BRINP1: variants seen among roughly 807,000 people sequenced by gnomAD.
BRINP1 encodes the protein BMP/retinoic acid-inducible neural-specific protein 1.
BRINP1 carries 17 observed loss-of-function variants against 72.9 expected under a neutral mutation model. That is an observed-to-expected ratio of 0.23 (90% CI 0.16 to 0.35). BRINP1 has a LOEUF of 0.35. Ranked by LOEUF, BRINP1 falls within the 10% of genes least tolerant of loss-of-function variation. The probability of loss-of-function intolerance (pLI) is 1.00; values close to 1 mark genes in which losing one functional copy is unlikely to be tolerated. For missense variants in BRINP1, 850 were observed against 1,001.6 expected (o/e 0.85, Z 2.04); for synonymous variants, 418 against 378.5 (o/e 1.10, Z -1.21).
intron 7 of BRINP1, among the ~76,000 whole-genome samples, chr9:119,179,340 G>A (rs1564210632): frequency 6.6e-6 from 1 of 152,194 alleles, no homozygotes; most frequent in Non-Finnish European, 1.5e-5. Context: ...CTGATAGGGG[G>A]CTGAGAGGAG....
intron 7 of BRINP1, among the ~76,000 whole-genome samples, 164 bp downstream of exon 7, chr9:119,208,555 G>A (rs888233410): frequency 2.6e-5 from 4 of 152,200 alleles, no homozygotes; most frequent in Non-Finnish European, 5.9e-5. Context: ...GAGCCAGTAG[G>A]TGAGGACCCA....
intron 2 of BRINP1, 117 bp downstream of exon 2, chr9:119,313,021 G>A: frequency 2.6e-6 from 3 of 1,159,708 alleles, no homozygotes; most frequent in East Asian, 5.2e-5. Context: ...CTTGTGGAAG[G>A]AGCACAGACC....
At chr9:119,224,220 A>G (rs1830069329) in intron 5 of BRINP1, among the ~76,000 whole-genome samples, 1 of 152,086 alleles carries the variant, frequency 6.6e-6, no homozygotes, top group African/African-American at 2.4e-5. Context: ...AAATATATGC[A>G]TACATATGCA....
At chr9:119,207,444 C>T (rs1454923415) in intron 7 of BRINP1, among the ~76,000 whole-genome samples, 1 of 152,158 alleles carries the variant, frequency 6.6e-6, no homozygotes, top group Non-Finnish European at 1.5e-5. Context: ...TTGCATCAAC[C>T]TAAAATAGCT....
intron 7 of BRINP1, among the ~76,000 whole-genome samples, chr9:119,189,860 C>G (rs1829664536): frequency 1.3e-5 from 2 of 152,010 alleles, no homozygotes; most frequent in South Asian, 4.1e-4. Flanking sequence ...TCAACATCAG[C>G]AGACTATACA....
intron 2 of BRINP1, among the ~76,000 whole-genome samples, chr9:119,312,866 G>A (rs1166740964): frequency 3.3e-5 from 5 of 152,146 alleles, no homozygotes; most frequent in Non-Finnish European, 5.9e-5. Context: ...ATGGCTATTA[G>A]AATGTTTAAA....
chr9:119,302,388 TG>T (rs764711013), intron 2 of BRINP1, among the ~76,000 whole-genome samples: 3 of 152,198 alleles, frequency 2.0e-5, no homozygotes, highest in South Asian at 2.1e-4. Context: ...TTTCATGTAT[TG>T]TTTTTTTCAA....
intron 5 of BRINP1, among the ~76,000 whole-genome samples, chr9:119,227,235 G>T (rs1830101282): frequency 6.6e-6 from 1 of 151,982 alleles, no homozygotes; most frequent in Non-Finnish European, 1.5e-5. Context: ...AAGACCTAAG[G>T]AAGCTCAGAG....
intron 7 of BRINP1, among the ~76,000 whole-genome samples, chr9:119,178,615 T>A (rs1829516604): frequency 6.6e-6 from 1 of 152,178 alleles, no homozygotes; most frequent in African/African-American, 2.4e-5. Flanking sequence ...GACTTACAAC[T>A]ATTGAGTTCT....
At position 119,167,002 on chromosome 9, in the gene BRINP1, G is replaced by C; in HGVS notation, c.*82C>G. 1 of 1,403,528 alleles carries C rather than the reference G, an allele frequency of 7.1e-7. No homozygotes were observed. Among genetic ancestry groups the C allele is most frequent in the Non-Finnish European group, 9.6e-7 (1 of 1,040,076 alleles). 86.9% of individuals were successfully genotyped at this position (1,403,528 alleles called of 1,614,324 possible). Reference sequence around the variant, plus strand: ...TAATTACATTTTACAAATTTTTGTGGGTTTTTTTGTTTTGTTTTGCTTCAT... The same window carrying C: ...TAATTACATTTTACAAATTTTTGTGCGTTTTTTTGTTTTGTTTTGCTTCAT... On this transcript the variant is annotated 3_prime_UTR_variant, in exon 8 of 8. Coordinates refer to ENST00000265922, the MANE Select transcript of BRINP1 (RefSeq NM_014618.3). This position sits in a 1 kb window ranked among gnomAD's most constrained non-coding sequence, Gnocchi z 4.3.
intron 2 of BRINP1, among the ~76,000 whole-genome samples, chr9:119,304,171 C>T (rs1050135075): frequency 1.3e-5 from 2 of 152,110 alleles, no homozygotes; most frequent in African/African-American, 4.8e-5. Flanking sequence ...TGAGCCACTG[C>T]GCCCGGCTGC....
At chr9:119,307,235 A>C (rs534056069) in intron 2 of BRINP1, among the ~76,000 whole-genome samples, 2 of 152,104 alleles carry the variant, frequency 1.3e-5, no homozygotes, top group South Asian at 4.2e-4. Flanking sequence ...TAGGAAGCAA[A>C]ATTATCCCTG....
intron 2 of BRINP1, among the ~76,000 whole-genome samples, chr9:119,298,324 T>A (rs1830902452): frequency 6.6e-6 from 1 of 152,198 alleles, no homozygotes; most frequent in Non-Finnish European, 1.5e-5. Flanking sequence ...AGTATTACAT[T>A]CTACAGCTCT....
chr9:119,337,155 A>G (rs897307846), intron 1 of BRINP1, among the ~76,000 whole-genome samples: 2 of 152,176 alleles, frequency 1.3e-5, no homozygotes, highest in Non-Finnish European at 2.9e-5. Context: ...TGATGAGAAA[A>G]TAAACAGCCC....
chr9:119,337,960 C>G (rs962822599), intron 1 of BRINP1, among the ~76,000 whole-genome samples: 14 of 152,208 alleles, frequency 9.2e-5, no homozygotes, highest in African/African-American at 3.4e-4. Context: ...CTAATCCTGG[C>G]TCCTCCATAT....
intron 5 of BRINP1, among the ~76,000 whole-genome samples, chr9:119,225,539 C>T (rs1339424920): frequency 6.6e-6 from 1 of 151,912 alleles, no homozygotes; most frequent in Admixed American, 6.6e-5. Context: ...ACTGTACTAA[C>T]TTTTTGTACT....
chr9:119,368,434 T>G lies in BRINP1; in HGVS notation c.-51+622A>C, dbSNP rs1831718208. ...ATTCCACCGTTTGGAGGAATTTTCC[T>G]TCAAGCGTACCAACATTGGGCTAAA... On this transcript the variant is annotated intron_variant, in intron 1 of 7. Transcript: ENST00000265922. The surrounding 1 kb of genome is among the most constrained non-coding windows in gnomAD (Gnocchi z 4.7). Among the ~76,000 whole-genome samples, 1 of 152,006 alleles carries G rather than the reference T, an allele frequency of 6.6e-6. No individual in the cohort carries two copies. The highest frequency in any genetic ancestry group is 2.4e-5 in the African/African-American group (1 of 41,394).
At chr9:119,314,734 A>C (rs1383038517) in intron 1 of BRINP1, among the ~76,000 whole-genome samples, 2 of 152,194 alleles carry the variant, frequency 1.3e-5, no homozygotes, top group Non-Finnish European at 2.9e-5. Flanking sequence ...AGAAACAGTA[A>C]TATTTCAGGT....
chr9:119,354,639 C>T lies in BRINP1; in HGVS notation c.-51+14417G>A, dbSNP rs1032647917. On this transcript the variant is annotated intron_variant, in intron 1 of 7. Transcript: ENST00000265922. Reference sequence around the variant, plus strand: ...CTTTGGGAGGTCAAGGCAGGAGGATCGCTTAAGGCCAGCAGTTCAAGACCA... The same window carrying T: ...CTTTGGGAGGTCAAGGCAGGAGGATTGCTTAAGGCCAGCAGTTCAAGACCA... 5.3e-5 allele frequency among the ~76,000 whole-genome samples: 8 copies of T among 151,850 alleles called. No homozygotes were observed. In the East Asian group the frequency reaches 7.7e-4, roughly 15 times the overall value.
Sources: gnomAD v4.1 joint callset for allele counts (sites outside exome capture counted in the v4.1 genomes callset) on GRCh38, gnomAD v4.1.1 for gene constraint, Gnocchi (gnomAD v3.1) non-coding constraint, MANE v1.5 for transcripts, NCBI Gene and HGNC (gene_info 2026-07-23, HGNC 2026-07-21) for gene names.